Variants in RORB observed in about 807,000 individuals in gnomAD.
The protein encoded by RORB is RAR related orphan receptor B.
A neutral mutation model predicts 59.1 loss-of-function variants in RORB; 6 were observed. That is an observed-to-expected ratio of 0.10 (90% CI 0.06 to 0.20). RORB has a LOEUF of 0.20. Ranked by LOEUF, RORB falls within the 10% of genes least tolerant of loss-of-function variation. The pLI, the probability that RORB is intolerant of heterozygous loss-of-function variation, is 1.00. For synonymous variants in RORB, 215 were observed against 204.5 expected (o/e 1.05, Z -0.44); for missense variants, 320 against 560.5 (o/e 0.57, Z 4.33).
At chr9:74,640,894 G>A (rs1420457484) in intron 3 of RORB, among the ~76,000 whole-genome samples, 1 of 152,192 alleles carries the variant, frequency 6.6e-6, no homozygotes, top group East Asian at 1.9e-4. Context: ...GAGGGTGAAT[G>A]GCAGCTCTTT....
intron 1 of RORB, among the ~76,000 whole-genome samples, chr9:74,590,435 G>A (rs1822869219): frequency 6.6e-6 from 1 of 152,140 alleles, no homozygotes; most frequent in Admixed American, 6.5e-5. Flanking sequence ...GCTGTACCAC[G>A]GTCTCAGTGT....
At chr9:74,639,694 T>C (rs1487483449) in intron 3 of RORB, among the ~76,000 whole-genome samples, 1 of 152,192 alleles carries the variant, frequency 6.6e-6, no homozygotes, top group Non-Finnish European at 1.5e-5. Flanking sequence ...AAACCTTGTA[T>C]TCACTTCCAT....
chr9:74,650,257 T>C (rs1227880517), intron 4 of RORB, among the ~76,000 whole-genome samples: 1 of 152,218 alleles, frequency 6.6e-6, no homozygotes, highest in Non-Finnish European at 1.5e-5. Context: ...GCCATACGTT[T>C]AAGGCATTGC....
intron 4 of RORB, among the ~76,000 whole-genome samples, chr9:74,654,752 T>A (rs1031528834): frequency 1.3e-5 from 2 of 152,222 alleles, no homozygotes; most frequent in Non-Finnish European, 2.9e-5. Flanking sequence ...TTATAAATTC[T>A]GTTAATTGAA....
At chr9:74,673,586 G>A (rs1180722229) in intron 9 of RORB, among the ~76,000 whole-genome samples, 2 of 152,138 alleles carry the variant, frequency 1.3e-5, no homozygotes, top group Non-Finnish European at 1.5e-5. Context: ...ACCTCCCACT[G>A]TCCTGGTTAT....
At chr9:74,621,361 G>C (rs1405042520) in intron 1 of RORB, among the ~76,000 whole-genome samples, 1 of 152,074 alleles carries the variant, frequency 6.6e-6, no homozygotes, top group Non-Finnish European at 1.5e-5. Context: ...GAATCAAACT[G>C]TCTTGTTTCA....
intron 1 of RORB, among the ~76,000 whole-genome samples, chr9:74,560,406 A>T (rs974119216): frequency 1.3e-5 from 2 of 152,206 alleles, no homozygotes; most frequent in African/African-American, 4.8e-5. Context: ...CATAAAGTGT[A>T]TTAAAGAGCG....
intron 1 of RORB, among the ~76,000 whole-genome samples, chr9:74,577,841 C>T (rs1822661721): frequency 6.6e-6 from 1 of 152,000 alleles, no homozygotes; most frequent in Admixed American, 6.6e-5. Flanking sequence ...AGTTATGGTG[C>T]CAAGTAGTAA....
rs897114757 is a variant in RORB at position 74,608,196 on chromosome 9, C to T, written c.8-22086C>T. ...CAGCCATTTTCTAACATCCAGATCT[C>T]TATTCTTAAATAGCTTCGATTTCTA... is the stretch of plus-strand genomic sequence containing the variant. On this transcript the variant is annotated intron_variant, in intron 1 of 9. Coordinates refer to ENST00000376896, the MANE Select transcript of RORB (RefSeq NM_006914.4). 7.2e-5 allele frequency among the ~76,000 whole-genome samples: 11 copies of T among 152,224 alleles called. No homozygotes were observed. In the East Asian group the frequency reaches 2.1e-3, roughly 29 times the overall value.
At chr9:74,543,097 T>C (rs1314098435) in intron 1 of RORB, among the ~76,000 whole-genome samples, 1 of 152,178 alleles carries the variant, frequency 6.6e-6, no homozygotes, top group East Asian at 1.9e-4. Flanking sequence ...TCCCAGATCA[T>C]GAGAGCCTTC....
intron 1 of RORB, among the ~76,000 whole-genome samples, chr9:74,608,872 G>T (rs1729521109): frequency 1.3e-5 from 2 of 152,078 alleles, no homozygotes; most frequent in African/African-American, 2.4e-5. Flanking sequence ...GCCTTCTAAA[G>T]AATTGACTAA....
intron 5 of RORB, among the ~76,000 whole-genome samples, chr9:74,661,550 G>T (rs1286273578): frequency 1.3e-5 from 2 of 151,142 alleles, no homozygotes; most frequent in Non-Finnish European, 2.9e-5. Context: ...ATAAACTGAG[G>T]ACTAAAAAAT....
At chr9:74,587,621 C>A (rs949701323) in intron 1 of RORB, among the ~76,000 whole-genome samples, 4 of 152,140 alleles carry the variant, frequency 2.6e-5, no homozygotes, top group African/African-American at 9.7e-5. Flanking sequence ...TCCAGGATGG[C>A]CTTACCCACA....
At chr9:74,620,371 G>C (rs756013962) in intron 1 of RORB, among the ~76,000 whole-genome samples, 35 of 152,170 alleles carry the variant, frequency 2.3e-4, no homozygotes, top group Non-Finnish European at 5.0e-4. Context: ...TTGCATTTCT[G>C]TGGGATCGGT....
At chr9:74,577,206 T>A (rs1822649334) in intron 1 of RORB, among the ~76,000 whole-genome samples, 2 of 152,114 alleles carry the variant, frequency 1.3e-5, no homozygotes, top group South Asian at 4.1e-4. Flanking sequence ...CATCAGTTTC[T>A]TCTTGTACAA....
Position 74,513,627 on chromosome 9 carries a change from A to G in RORB, c.7+15644A>G, listed in dbSNP as rs551476350. On this transcript the variant is annotated intron_variant, in intron 1 of 9. Coordinates refer to ENST00000376896, the MANE Select transcript of RORB (RefSeq NM_006914.4). ...AGTGGTATAACCTAGTAACTAATAA[A>G]AGACTTTCAAACATGAGAATTTAGA... Among the ~76,000 whole-genome samples, 5 of 152,200 alleles carry G rather than the reference A, an allele frequency of 3.3e-5. No individual in the cohort carries two copies. The South Asian group carries it at 6.2e-4, about 19-fold the overall frequency.
intron 9 of RORB, among the ~76,000 whole-genome samples, chr9:74,675,580 T>C (rs532411733): frequency 2.0e-5 from 3 of 152,272 alleles, no homozygotes; most frequent in African/African-American, 7.2e-5. Context: ...ATTTTACTGT[T>C]ATAAAAAGTG....
chr9:74,587,039 T>A (rs1312649499), intron 1 of RORB, among the ~76,000 whole-genome samples: 2 of 152,198 alleles, frequency 1.3e-5, no homozygotes, highest in African/African-American at 4.8e-5. Flanking sequence ...AACTTTGGAT[T>A]TTAACTTTCT....
At chr9:74,647,719 T>C (rs1246167650) in intron 4 of RORB, among the ~76,000 whole-genome samples, 1 of 152,208 alleles carries the variant, frequency 6.6e-6, no homozygotes, top group Non-Finnish European at 1.5e-5. Context: ...TTAAAGGAGA[T>C]TACAAAGAGG....
Sources: allele counts gnomAD v4.1 joint callset (sites outside exome capture counted in the v4.1 genomes callset), GRCh38; gene constraint gnomAD v4.1.1; transcripts MANE v1.5; gene names NCBI Gene and HGNC (gene_info 2026-07-23, HGNC 2026-07-21).